The following GEMIN6 variants were observed in gnomAD, a reference collection of about 807,000 sequenced individuals.
GEMIN6 encodes the protein gem-associated protein 6.
In GEMIN6, 13 loss-of-function variants were observed where a neutral mutation model predicts 14.1. The ratio of observed to expected loss-of-function variants is 0.92; its 90% CI spans 0.60 to 1.46. The LOEUF is 1.46. GEMIN6 is among the 40% of genes most tolerant of loss of function. The pLI, the probability that GEMIN6 is intolerant of heterozygous loss-of-function variation, is 0.00. For synonymous variants in GEMIN6, 87 were observed against 70.0 expected (o/e 1.24, Z -1.21); for missense variants, 271 against 202.4 (o/e 1.34, Z -2.06).
At chr2:38,779,327 T>C in intron 2 of GEMIN6, 1 of 506,914 alleles carries the variant, frequency 2.0e-6, no homozygotes, top group South Asian at 1.8e-5. Flanking sequence ...ACCTCGCAGG[T>C]TCAAGCGATT....
chr2:38,781,737 A>G lies in GEMIN6; in HGVS notation c.349A>G (p.Ile117Val), dbSNP rs757485893. Residue 117 changes from isoleucine (I) to valine (V), a missense_variant, in exon 3 of 3, where the codon ATC becomes GTC. Physicochemically the swap from Ile to Val is conservative, Grantham distance 29. Coordinates refer to ENST00000281950, the MANE Select transcript of GEMIN6 (RefSeq NM_024775.10). ...ATGGCTTGAGAAGAACCACATCCCC[A>G]TCACTGAACAGGGAGACGCTCCAAG... ...KKWLEKNHIP[I>V]TEQGDAPRTL... 6 of 1,614,056 alleles carry G rather than the reference A, an allele frequency of 3.7e-6. No homozygotes were observed. Among genetic ancestry groups the G allele is most frequent in the African/African-American group, 2.7e-5 (2 of 74,936 alleles).
chr2:38,780,526 G>C (rs1450751485), intron 2 of GEMIN6, among the ~76,000 whole-genome samples: 9 of 151,556 alleles, frequency 5.9e-5, no homozygotes, highest in Admixed American at 5.9e-4. Flanking sequence ...TTTTAGTAGA[G>C]ATGGGGTTTC....
At chr2:38,779,338 C>T (rs772389267) in intron 2 of GEMIN6, 2 of 480,720 alleles carry the variant, frequency 4.2e-6, no homozygotes, top group African/African-American at 2.0e-5. Context: ...TCAAGCGATT[C>T]TCCTGCCTTA....
chr2:38,782,208 A>C lies in GEMIN6; in HGVS notation c.*316A>C. Reference sequence around the variant, plus strand: ...TGCCAGGTTTGAGTGCAGTGGCGCAATCTCAGCTCAGTGCAACCTCCGCCT... The same window carrying C: ...TGCCAGGTTTGAGTGCAGTGGCGCACTCTCAGCTCAGTGCAACCTCCGCCT... On this transcript the variant is annotated 3_prime_UTR_variant, in exon 3 of 3. Coordinates refer to ENST00000281950, the MANE Select transcript of GEMIN6 (RefSeq NM_024775.10). The C allele has an allele frequency of 4.9e-6, 1 of 204,336 alleles. No individual in the cohort carries two copies. The allele number at this position is 204,336 out of a possible 1,614,324, so 12.7% of individuals were successfully genotyped here.
chr2:38,779,347 T>G, intron 2 of GEMIN6: 1 of 446,630 alleles, frequency 2.2e-6, no homozygotes, highest in Non-Finnish European at 4.1e-6. Context: ...TCTCCTGCCT[T>G]AGCCTCCCGA....
intron 2 of GEMIN6, among the ~76,000 whole-genome samples, chr2:38,780,626 C>T (rs1004785479): frequency 6.6e-6 from 1 of 150,456 alleles, no homozygotes; most frequent in African/African-American, 2.4e-5. Flanking sequence ...CGTGAGCCAC[C>T]TCACCTGACC....
rs1176796293 is a variant in GEMIN6, at chr2:38,783,716, C to G, written c.*1824C>G. 1.3e-5 allele frequency: 2 copies of G among 152,076 alleles called. No homozygotes were observed. Among genetic ancestry groups the G allele is most frequent in the Non-Finnish European group, 2.9e-5 (2 of 68,012 alleles). The allele number at this position is 152,076 out of a possible 1,614,324, so 9.4% of individuals were successfully genotyped here. On this transcript the variant is annotated 3_prime_UTR_variant, in exon 3 of 3. Transcript: ENST00000281950. The stretch of plus-strand genomic sequence containing the variant: ...ATTTTCCTGCATAGTTGTCTAATAA[C>G]AAGATGGTATAGCCCAGTGCTTCTT...
Position 38,781,908 on chromosome 2 carries a change from G to C in GEMIN6, c.*16G>C, listed in dbSNP as rs1669100847. ...TTCCCAATGAGAGGCCAGGAAGTGT[G>C]AACATACTGATAGAAAAAGACTATA... On this transcript the variant is annotated 3_prime_UTR_variant, in exon 3 of 3. Transcript: ENST00000281950. The C allele has an allele frequency of 6.3e-7, 1 of 1,576,224 alleles. No homozygotes were observed.
At position 38,781,073 on chromosome 2, in the gene GEMIN6, A is replaced by G. The variant is rs190636152; in HGVS notation, c.129-444A>G. Among the ~76,000 whole-genome samples the G allele has an allele frequency of 1.1e-3, 158 of 148,194 alleles. 2 individuals carry two copies. The South Asian group carries it at 0.023, about 22-fold the overall frequency. On this transcript the variant is annotated intron_variant, in intron 2 of 2. Transcript: ENST00000281950. ...AACCTCTGCCTCCCAGGTTCAAGCA[A>G]TTCTCTGCCTCTGCCTCCCAAGTAG... is the stretch of plus-strand genomic sequence containing the variant.
chr2:38,779,739 A>T (rs1440484358), intron 2 of GEMIN6, among the ~76,000 whole-genome samples: 1 of 120,124 alleles, frequency 8.3e-6, no homozygotes, highest in Non-Finnish European at 1.6e-5. Context: ...GGAGTGGTGC[A>T]GTTACAATCT....
Position 38,779,065 on chromosome 2 carries a change from TGAG to T in GEMIN6, c.76_78del (p.Glu26del), listed in dbSNP as rs777054481. 5 of 1,613,668 alleles carry T rather than the reference TGAG, an allele frequency of 3.1e-6. No individual in the cohort carries two copies. The African/African-American group carries it at 5.3e-5, about 17-fold the overall frequency. ...ACAAAGAGGTCCGAGTGACAGCCAG[TGAG>T]AAGAATGAGTATAAAGGATGGGTTT... On this transcript the variant is annotated inframe_deletion, in exon 2 of 3. Coordinates refer to ENST00000281950, the MANE Select transcript of GEMIN6 (RefSeq NM_024775.10).
rs765883665 is a variant in GEMIN6 at position 38,782,242 on chromosome 2, C to T, written c.*350C>T. 3.4e-5 allele frequency: 6 copies of T among 174,510 alleles called. No individual in the cohort carries two copies. The highest frequency in any genetic ancestry group is 6.0e-5 in the Non-Finnish European group (5 of 82,688). 10.8% of individuals were successfully genotyped at this position (174,510 alleles called of 1,614,324 possible). On this transcript the variant is annotated 3_prime_UTR_variant, in exon 3 of 3. Transcript: ENST00000281950. The stretch of plus-strand genomic sequence containing the variant: ...CAGTGCAACCTCCGCCTCCCAGGTT[C>T]AACCGATTCCCCTGCCTCAGCCTCT...
rs1261014201 is a variant in GEMIN6, at chr2:38,783,748, T to C, written c.*1856T>C. 1 of 152,186 alleles carries C rather than the reference T, an allele frequency of 6.6e-6. No individual in the cohort carries two copies. Among genetic ancestry groups the C allele is most frequent in the Non-Finnish European group, 1.5e-5 (1 of 68,048 alleles). 9.4% of individuals were successfully genotyped at this position (152,186 alleles called of 1,614,324 possible). A position where few individuals can be genotyped will look rare whatever the true frequency, so the allele number is the denominator to read the frequency against. On this transcript the variant is annotated 3_prime_UTR_variant, in exon 3 of 3. Coordinates refer to ENST00000281950, the MANE Select transcript of GEMIN6 (RefSeq NM_024775.10). ...GTATAGCCCAGTGCTTCTTGCACTTTAGCAAGCATCAGAATCAGCAAATAT... is the reference window on the plus strand; with the variant it reads ...GTATAGCCCAGTGCTTCTTGCACTTCAGCAAGCATCAGAATCAGCAAATAT...
chr2:38,779,318 C>T, intron 2 of GEMIN6, 200 bp downstream of exon 2: 3 of 553,908 alleles, frequency 5.4e-6, no homozygotes, highest in South Asian at 3.4e-5. Flanking sequence ...GTAACCTCCA[C>T]CTCGCAGGTT....
At position 38,784,764 on chromosome 2, in the gene GEMIN6, C is replaced by A. The variant is rs1257680788; in HGVS notation, c.*2872C>A. 3.3e-5 allele frequency: 5 copies of A among 152,118 alleles called. No homozygotes were observed. Among genetic ancestry groups the A allele is most frequent in the East Asian group, 1.9e-4 (1 of 5,196 alleles). 9.4% of individuals were successfully genotyped at this position (152,118 alleles called of 1,614,324 possible). On this transcript the variant is annotated 3_prime_UTR_variant, in exon 3 of 3. Transcript: ENST00000281950. ...AAGTGATCCTGATCTGCCATAGAAA[C>A]CTTCATGCTTAGGGAGTTTCCCTAG...
intron 2 of GEMIN6, 187 bp downstream of exon 2, chr2:38,779,305 T>C: frequency 3.3e-6 from 2 of 605,818 alleles, no homozygotes. Flanking sequence ...ATCTCGGCTC[T>C]TTGTAACCTC....
chr2:38,781,499 C>T lies in GEMIN6; in HGVS notation c.129-18C>T, dbSNP rs753278654. The stretch of plus-strand genomic sequence containing the variant: ...TACTTGGGTTGATGATGCCTCTAAA[C>T]TTACTTTTCCTCCAAAGTATTGTCC... On this transcript the variant is annotated intron_variant, in intron 2 of 2. Coordinates refer to ENST00000281950, the MANE Select transcript of GEMIN6 (RefSeq NM_024775.10). 11 of 1,589,496 alleles carry T rather than the reference C, an allele frequency of 6.9e-6. 1 individual carries two copies. In the South Asian group the frequency reaches 1.2e-4, roughly 17 times the overall value.
rs145390233 is a variant in GEMIN6 at position 38,781,781 on chromosome 2, G to C, written c.393G>C (p.Gly131=). The change falls in exon 3 of 3, where the codon GGG becomes GGC. Residue 131 remains glycine, a synonymous_variant. Coordinates refer to ENST00000281950, the MANE Select transcript of GEMIN6 (RefSeq NM_024775.10). The part of the protein sequence containing the change: ...GDAPRTLCVA[G]VLTIDPPYGP... ...CTCCAAGGACTCTCTGTGTGGCTGG[G>C]GTCCTGACTATAGACCCACCATATG... The C allele has an allele frequency of 9.6e-5, 155 of 1,613,966 alleles. No homozygotes were observed. Among genetic ancestry groups the C allele is most frequent in the Non-Finnish European group, 1.2e-4 (143 of 1,180,034 alleles).
chr2:38,781,150 T>C (rs1669076198), intron 2 of GEMIN6, among the ~76,000 whole-genome samples: 1 of 151,772 alleles, frequency 6.6e-6, no homozygotes, highest in African/African-American at 2.4e-5. Context: ...GTATTTTTAG[T>C]AGGGATTGGG....
Sources: gnomAD v4.1 joint callset for allele counts (sites outside exome capture counted in the v4.1 genomes callset) on GRCh38, gnomAD v4.1.1 for gene constraint, MANE v1.5 for transcripts, NCBI Gene and HGNC (gene_info 2026-07-23, HGNC 2026-07-21) for gene names.